MAL: variants seen among roughly 807,000 people sequenced by gnomAD.
MAL encodes the protein myelin and lymphocyte protein.
MAL carries 5 observed loss-of-function variants against 16.7 expected under a neutral mutation model. The ratio of observed to expected loss-of-function variants is 0.30; its 90% CI spans 0.16 to 0.63. The LOEUF (loss-of-function observed/expected upper bound fraction) is 0.63, where lower values mean the gene tolerates loss of function less well. Ranked by LOEUF, MAL falls within the 30% of genes least tolerant of loss-of-function variation. MAL has a pLI of 0.82. For synonymous variants in MAL, 96 were observed against 85.5 expected, an observed-to-expected ratio of 1.12 and a Z score of -0.67; for missense variants, 202 against 195.8, an observed-to-expected ratio of 1.03 and a Z score of -0.19.
intron 1 of MAL, among the ~76,000 whole-genome samples, chr2:95,042,428 G>T (rs149586389): frequency 6.6e-6 from 1 of 152,288 alleles, no homozygotes; most frequent in Non-Finnish European, 1.5e-5. Context: ...TTTTTCTAAA[G>T]GTGCCCCAGG....
intron 3 of MAL, 159 bp from the exon 4 acceptor site, chr2:95,053,222 G>A: frequency 1.5e-6 from 1 of 672,680 alleles, no homozygotes; most frequent in Non-Finnish European, 2.7e-6. Context: ...GCACACCTGG[G>A]CTCAGCAGGG....
chr2:95,042,269 T>C (rs1224586095), intron 1 of MAL, among the ~76,000 whole-genome samples: 1 of 152,190 alleles, frequency 6.6e-6, no homozygotes, highest in Non-Finnish European at 1.5e-5. Flanking sequence ...TCCTCTTCTG[T>C]CTTACAGGAG....
intron 1 of MAL, among the ~76,000 whole-genome samples, chr2:95,034,546 C>T (rs1291439297): frequency 6.6e-6 from 1 of 152,184 alleles, no homozygotes; most frequent in Non-Finnish European, 1.5e-5. Flanking sequence ...GTCAGTGTGT[C>T]GGCTGTATGC....
intron 1 of MAL, among the ~76,000 whole-genome samples, chr2:95,042,005 C>T (rs1012229545): frequency 2.0e-5 from 3 of 152,150 alleles, no homozygotes; most frequent in African/African-American, 7.2e-5. Context: ...GGCCTCCAAA[C>T]GCCCATGCAC....
chr2:95,036,031 G>A (rs531734366), intron 1 of MAL, among the ~76,000 whole-genome samples: 2 of 152,242 alleles, frequency 1.3e-5, no homozygotes, highest in East Asian at 1.9e-4. Flanking sequence ...ATCCAAACCC[G>A]CTGAGTCCTG....
At chr2:95,048,179 G>C (rs758552929) in intron 2 of MAL, 53 bp downstream of exon 2, 79 of 1,524,902 alleles carry the variant, frequency 5.2e-5, no homozygotes, top group Admixed American at 1.3e-4. Context: ...GGAAGTACTG[G>C]TCCCTGGCCC....
At chr2:95,028,973 G>A (rs548048291) in intron 1 of MAL, among the ~76,000 whole-genome samples, 1 of 152,330 alleles carries the variant, frequency 6.6e-6, no homozygotes, top group African/African-American at 2.4e-5. Flanking sequence ...GATTGAGTTG[G>A]TGGGTGCACA....
At chr2:95,051,181 C>T (rs1304603925) in intron 3 of MAL, among the ~76,000 whole-genome samples, 3 of 152,174 alleles carry the variant, frequency 2.0e-5, no homozygotes, top group African/African-American at 7.2e-5. Context: ...TCTGACTTTC[C>T]TCTTTTACCT....
At chr2:95,028,903 A>C (rs894365542) in intron 1 of MAL, among the ~76,000 whole-genome samples, 1 of 152,160 alleles carries the variant, frequency 6.6e-6, no homozygotes, top group Non-Finnish European at 1.5e-5. Context: ...GACCAAGGGG[A>C]GCAATTGTTT....
intron 1 of MAL, among the ~76,000 whole-genome samples, chr2:95,037,791 T>A (rs1310453107): frequency 1.9e-3 from 150 of 80,222 alleles, no homozygotes; most frequent in South Asian, 3.6e-3. Context: ...TGAGTGACTG[T>A]GTGAGTGACT....
intron 1 of MAL, among the ~76,000 whole-genome samples, chr2:95,038,806 G>T (rs1236939090): frequency 6.6e-6 from 1 of 150,856 alleles, no homozygotes; most frequent in Non-Finnish European, 1.5e-5. Context: ...CTGAGTGAGT[G>T]ACCGAGTGAC....
At position 95,025,812 on chromosome 2, in the gene MAL, C is replaced by CG. The variant is rs750821753; in HGVS notation, c.26dup (p.Ser10GlnfsTer21). The CG allele has an allele frequency of 2.6e-6, 4 of 1,562,336 alleles. No individual in the cohort carries two copies. Among genetic ancestry groups the CG allele is most frequent in the African/African-American group, 2.8e-5 (2 of 72,442 alleles). On this transcript the variant is annotated frameshift_variant, in exon 1 of 4. Coordinates refer to ENST00000309988, the MANE Select transcript of MAL (RefSeq NM_002371.4). LOFTEE classifies it high-confidence loss of function. The surrounding 1 kb of genome is among the most constrained non-coding windows in gnomAD (Gnocchi z 5.6). ...GCCGTCATGGCCCCCGCAGCGGCGA[C>CG]GGGGGGCAGCACCCTGCCCAGTGGC...
At position 95,025,751 on chromosome 2, in the gene MAL, G is replaced by A. The variant is rs558740167; in HGVS notation, c.-42G>A. The A allele has an allele frequency of 1.4e-6, 2 of 1,400,966 alleles. No individual in the cohort carries two copies. The highest frequency in any genetic ancestry group is 2.8e-5 in the East Asian group (1 of 35,364). 86.8% of individuals were successfully genotyped at this position (1,400,966 alleles called of 1,614,324 possible). A position where few individuals can be genotyped will look rare whatever the true frequency, so the allele number is the denominator to read the frequency against. On this transcript the variant is annotated 5_prime_UTR_variant, in exon 1 of 4. Coordinates refer to ENST00000309988, the MANE Select transcript of MAL (RefSeq NM_002371.4). This position sits in a 1 kb window ranked among gnomAD's most constrained non-coding sequence, Gnocchi z 5.6. Reference sequence around the variant, plus strand: ...AGCGAGAGGTCTGCGCGGAGTCTGAGCGGCGCTCGTCCCGTCCCAAGGCCG... The same window carrying A: ...AGCGAGAGGTCTGCGCGGAGTCTGAACGGCGCTCGTCCCGTCCCAAGGCCG...
intron 1 of MAL, among the ~76,000 whole-genome samples, chr2:95,029,280 C>T (rs1237158398): frequency 6.6e-6 from 1 of 152,214 alleles, no homozygotes; most frequent in African/African-American, 2.4e-5. Flanking sequence ...CTCAGGGCCA[C>T]CTGTAGGCTG....
intron 1 of MAL, among the ~76,000 whole-genome samples, chr2:95,036,803 GT>G (rs1674220746): frequency 6.6e-6 from 1 of 151,908 alleles, no homozygotes; most frequent in African/African-American, 2.4e-5. Context: ...GTGACTGAGT[GT>G]GTGAGTGAGT....
chr2:95,040,453 A>G (rs572970197), intron 1 of MAL, among the ~76,000 whole-genome samples: 1 of 152,170 alleles, frequency 6.6e-6, no homozygotes, highest in South Asian at 2.1e-4. Flanking sequence ...CCTACCCTCT[A>G]TCTCACTCTT....
chr2:95,052,333 T>C (rs190907416), intron 3 of MAL, among the ~76,000 whole-genome samples: 3 of 152,334 alleles, frequency 2.0e-5, no homozygotes, highest in Admixed American at 2.0e-4. Flanking sequence ...AAGGTGCTTC[T>C]GCCAAAGGCT....
rs1397081037 is a variant in MAL at position 95,025,861 on chromosome 2, C to T, written c.69C>T (p.Pro23=). The T allele has an allele frequency of 3.8e-6, 6 of 1,575,914 alleles. No individual in the cohort carries two copies. The highest frequency in any genetic ancestry group is 3.6e-5 in the Admixed American group (2 of 55,232). Residue 23 remains proline, a synonymous_variant, in exon 1 of 4, where the codon CCC becomes CCT. Coordinates refer to ENST00000309988, the MANE Select transcript of MAL (RefSeq NM_002371.4). This position sits in a 1 kb window ranked among gnomAD's most constrained non-coding sequence, Gnocchi z 5.6. ...PSGFSVFTTL[P]DLLFIFEFIF... is the part of the protein sequence containing the mutation. The stretch of plus-strand genomic sequence containing the variant: ...GCTTCTCGGTCTTCACCACCTTGCC[C>T]GACTTGCTCTTCATCTTTGAGTTTG...
intron 1 of MAL, among the ~76,000 whole-genome samples, chr2:95,038,052 CTCAG>C (rs1445411907): frequency 1.6e-5 from 2 of 121,688 alleles, no homozygotes; most frequent in African/African-American, 3.2e-5. Flanking sequence ...GAGTGAGTGA[CTCAG>C]TGAGTGAGTG....
Sources: gnomAD v4.1 joint callset for allele counts (sites outside exome capture counted in the v4.1 genomes callset) on GRCh38, gnomAD v4.1.1 for gene constraint, Gnocchi (gnomAD v3.1) non-coding constraint, MANE v1.5 for transcripts, NCBI Gene and HGNC (gene_info 2026-07-23, HGNC 2026-07-21) for gene names.